Variants in INO80 observed in about 807,000 individuals in gnomAD.
INO80 encodes the protein chromatin-remodeling ATPase INO80.
In INO80, 20 loss-of-function variants were observed where a neutral mutation model predicts 203.4. The ratio of observed to expected loss-of-function variants is 0.10; its 90% CI spans 0.07 to 0.14. The LOEUF (loss-of-function observed/expected upper bound fraction) is 0.14. Ranked by LOEUF, INO80 falls within the 10% of genes least tolerant of loss-of-function variation. The probability of loss-of-function intolerance (pLI) is 1.00; values close to 1 mark genes in which losing one functional copy is unlikely to be tolerated. For synonymous variants in INO80, 726 were observed against 685.2 expected (o/e 1.06, Z -0.93); for missense variants, 1,419 against 1,914.4 (o/e 0.74, Z 4.83).
chr15:41,099,624 A>G (rs1037996068), intron 1 of INO80, among the ~76,000 whole-genome samples: 2 of 152,032 alleles, frequency 1.3e-5, no homozygotes, highest in Admixed American at 6.6e-5. Context: ...CTACAAAAAA[A>G]TTTAAAAATT....
chr15:41,115,757 C>G (rs991169823), intron 1 of INO80, among the ~76,000 whole-genome samples: 4 of 152,180 alleles, frequency 2.6e-5, no homozygotes, highest in African/African-American at 9.7e-5. Context: ...CCCCGGGTCT[C>G]CAGAGATATG....
At chr15:41,031,904 A>G (rs1444710564) in intron 24 of INO80, among the ~76,000 whole-genome samples, 1 of 151,972 alleles carries the variant, frequency 6.6e-6, no homozygotes, top group Admixed American at 6.6e-5. Context: ...ATAGCTGCAT[A>G]CTCCTTGCCA....
chr15:41,011,514 C>A (rs1159264713), intron 27 of INO80: 1 of 151,678 alleles, frequency 6.6e-6, no homozygotes, highest in Non-Finnish European at 1.5e-5. Context: ...TGTAAGCTGA[C>A]AAATTTCCTT....
At position 40,997,410 on chromosome 15, in the gene INO80, G is replaced by C. The variant is rs112352324; in HGVS notation, c.3570+119C>G. 1.0e-4 allele frequency: 70 copies of C among 669,336 alleles called. No homozygotes were observed. In the African/African-American group the frequency reaches 1.1e-3, roughly 10 times the overall value. 41.5% of individuals were successfully genotyped at this position (669,336 alleles called of 1,614,324 possible). On this transcript the variant is annotated intron_variant, in intron 29 of 35. Transcript: ENST00000648947. ...CAAGAGGCAAAGAAATAAAAAGTTT[G>C]CAAGTTTGTGACACAAAAGCAAAGG...
At chr15:41,045,526 G>T (rs4923895) in intron 23 of INO80, among the ~76,000 whole-genome samples, 132,025 of 149,118 alleles carry the variant, frequency 0.89, 60,366 homozygotes, top group East Asian at 1. Context: ...AGATTGCAGT[G>T]AGCCGAGATT....
At chr15:41,037,545 T>C (rs996608591) in intron 24 of INO80, among the ~76,000 whole-genome samples, 1 of 151,916 alleles carries the variant, frequency 6.6e-6, no homozygotes, top group African/African-American at 2.4e-5. Context: ...TTAAGCTTAG[T>C]GTTAGTTGTT....
chr15:41,099,511 G>A (rs377073930), intron 1 of INO80, among the ~76,000 whole-genome samples: 1 of 152,108 alleles, frequency 6.6e-6, no homozygotes, highest in South Asian at 2.1e-4. Context: ...GCCAGGAGCA[G>A]TGGCTGAAGC....
chr15:41,031,426 GAGAA>G (rs1248106234), intron 24 of INO80, among the ~76,000 whole-genome samples: 2 of 141,872 alleles, frequency 1.4e-5, no homozygotes, highest in African/African-American at 2.6e-5. Flanking sequence ...AGGGAAGAGG[GAGAA>G]AGAAAGAAGG....
intron 1 of INO80, chr15:41,108,989 C>G (rs918440262): frequency 1.2e-5 from 2 of 160,764 alleles, no homozygotes; most frequent in African/African-American, 4.8e-5. Context: ...GAAGACAGGT[C>G]AGGCTGTTGG....
chr15:41,062,683 C>T (rs62001361), intron 14 of INO80, among the ~76,000 whole-genome samples: 2,166 of 152,192 alleles, frequency 0.014, 36 homozygotes, highest in Admixed American at 0.026. Flanking sequence ...GGGGGCTTTG[C>T]CCTCATGAAT....
At chr15:41,114,759 T>C (rs368568739) in intron 1 of INO80, among the ~76,000 whole-genome samples, 28 of 150,438 alleles carry the variant, frequency 1.9e-4, no homozygotes, top group African/African-American at 5.9e-4. Flanking sequence ...ACAACACGGA[T>C]GAACCTTGAA....
chr15:41,087,512 A>G (rs1596319504), intron 6 of INO80, 50 bp downstream of exon 6: 1 of 1,601,088 alleles, frequency 6.2e-7, no homozygotes, highest in South Asian at 1.1e-5. Context: ...GCCACATGCA[A>G]TTCTGAAACT....
intron 23 of INO80, among the ~76,000 whole-genome samples, 155 bp from the exon 24 acceptor site, chr15:41,045,230 A>G (rs534974787): frequency 2.0e-5 from 3 of 152,302 alleles, no homozygotes; most frequent in South Asian, 2.1e-4. Context: ...TTTCAGATAC[A>G]TTATTTCGCA....
At chr15:41,051,303 C>T (rs2044866624) in intron 19 of INO80, among the ~76,000 whole-genome samples, 1 of 151,666 alleles carries the variant, frequency 6.6e-6, no homozygotes, top group Admixed American at 6.6e-5. Context: ...GTTGCCTAGC[C>T]CCCCATTCCC....
At chr15:40,987,447 AAAAC>A (rs980593159) in intron 30 of INO80, among the ~76,000 whole-genome samples, 1 of 152,240 alleles carries the variant, frequency 6.6e-6, no homozygotes, top group Non-Finnish European at 1.5e-5. Context: ...CAGGATGAAA[AAAAC>A]AAAAAATAAC....
At chr15:41,037,298 A>G (rs942799007) in intron 24 of INO80, among the ~76,000 whole-genome samples, 5 of 151,958 alleles carry the variant, frequency 3.3e-5, no homozygotes, top group African/African-American at 1.2e-4. Context: ...ACCTGAGGTC[A>G]GGAGTTCGAG....
chr15:41,077,280 A>G (rs964426584), intron 9 of INO80, among the ~76,000 whole-genome samples: 22 of 150,874 alleles, frequency 1.5e-4, no homozygotes, highest in African/African-American at 4.9e-4. Context: ...GAATTATTTC[A>G]TAACAAAATT....
intron 29 of INO80, among the ~76,000 whole-genome samples, chr15:40,989,987 A>G (rs1202589909): frequency 6.6e-6 from 1 of 152,098 alleles, no homozygotes; most frequent in Non-Finnish European, 1.5e-5. Context: ...TCTTGCCTAT[A>G]ATAATGTCTC....
chr15:41,048,375 G>C, intron 21 of INO80, 99 bp from the exon 22 acceptor site: 3 of 864,078 alleles, frequency 3.5e-6, no homozygotes, highest in Non-Finnish European at 5.6e-6. Context: ...TTTTAGTTTT[G>C]AAACTGTTTC....
Sources: allele counts gnomAD v4.1 joint callset (sites outside exome capture counted in the v4.1 genomes callset), GRCh38; gene constraint gnomAD v4.1.1; transcripts MANE v1.5; gene names NCBI Gene and HGNC (gene_info 2026-07-23, HGNC 2026-07-21).